The following ARSK variants were observed in gnomAD, a reference collection of about 807,000 sequenced individuals.
The protein encoded by ARSK is arylsulfatase family member K.
In ARSK, 37 loss-of-function variants were observed where a neutral mutation model predicts 53.2. The ratio of observed to expected loss-of-function variants is 0.70; its 90% CI spans 0.54 to 0.92. The LOEUF (loss-of-function observed/expected upper bound fraction) is 0.92. Among genes scored for constraint, ARSK ranks in the 40% least tolerant of loss-of-function variants. The pLI, the probability that ARSK is intolerant of heterozygous loss-of-function variation, is 0.00. For synonymous variants in ARSK, 208 were observed against 223.2 expected (o/e 0.93, Z 0.61); for missense variants, 613 against 643.0 (o/e 0.95, Z 0.51).
chr5:95,589,135 A>G (rs1205779256), intron 5 of ARSK, among the ~76,000 whole-genome samples: 1 of 152,164 alleles, frequency 6.6e-6, no homozygotes, highest in African/African-American at 2.4e-5. Flanking sequence ...GTCTTCCCCA[A>G]CCACTCTAAC....
At chr5:95,573,750 A>C (rs1266769137) in intron 3 of ARSK, among the ~76,000 whole-genome samples, 1 of 152,240 alleles carries the variant, frequency 6.6e-6, no homozygotes, top group Non-Finnish European at 1.5e-5. Context: ...GTATGTACAT[A>C]GTAAGTATAT....
At chr5:95,556,106 T>G (rs1034079221) in intron 1 of ARSK, 1 of 657,588 alleles carries the variant, frequency 1.5e-6, no homozygotes, top group Non-Finnish European at 2.7e-6. Flanking sequence ...TAATATTAGT[T>G]TATTATCACT....
Position 95,600,973 on chromosome 5 carries a change from A to G in ARSK, c.1223A>G (p.His408Arg), listed in dbSNP as rs1305782991. The G allele has an allele frequency of 6.2e-6, 10 of 1,614,036 alleles. No individual in the cohort carries two copies. Among genetic ancestry groups the G allele is most frequent in the Non-Finnish European group, 8.5e-6 (10 of 1,179,978 alleles). Residue 408 changes from histidine (H) to arginine (R), a missense_variant, in exon 7 of 8, where the codon CAT (histidine) becomes CGT (arginine). By Grantham distance (29) the His-to-Arg change is conservative. Coordinates refer to ENST00000380009, the MANE Select transcript of ARSK (RefSeq NM_198150.3). ...CCACCCTGGATTCTGAGTGAATTCC[A>G]TGGATGTAATGTGAATGCCTCCACC... ...LHPPWILSEF[H>R]GCNVNASTYM...
intron 5 of ARSK, among the ~76,000 whole-genome samples, chr5:95,589,270 G>A (rs1404021322): frequency 6.6e-6 from 1 of 152,286 alleles, no homozygotes; most frequent in East Asian, 1.9e-4. Context: ...TGAGGGCGGG[G>A]ACATTCTTTT....
intron 3 of ARSK, among the ~76,000 whole-genome samples, chr5:95,569,998 ACT>A (rs1277616618): frequency 6.6e-6 from 1 of 151,932 alleles, no homozygotes; most frequent in Non-Finnish European, 1.5e-5. Context: ...TCACTTCTCA[ACT>A]CTCTCCACCA....
intron 3 of ARSK, among the ~76,000 whole-genome samples, chr5:95,580,437 C>G (rs1749002696): frequency 6.6e-6 from 1 of 152,150 alleles, no homozygotes; most frequent in African/African-American, 2.4e-5. Context: ...GACCATCACT[C>G]TTGTAAGAAG....
At chr5:95,567,005 G>T (rs1364988258) in intron 2 of ARSK, among the ~76,000 whole-genome samples, 1 of 152,202 alleles carries the variant, frequency 6.6e-6, no homozygotes, top group Non-Finnish European at 1.5e-5. Flanking sequence ...TTTGTTAACT[G>T]TAAAGTAGAA....
At chr5:95,570,842 C>T (rs185378126) in intron 3 of ARSK, among the ~76,000 whole-genome samples, 12 of 150,862 alleles carry the variant, frequency 8.0e-5, no homozygotes, top group East Asian at 7.8e-4. Context: ...AGTGCAATAG[C>T]GTGATCTTGG....
chr5:95,570,133 TGACACA>T (rs750902805), intron 3 of ARSK, among the ~76,000 whole-genome samples: 19 of 152,330 alleles, frequency 1.2e-4, no homozygotes, highest in Middle Eastern at 6.8e-3. Context: ...TCTGATTACA[TGACACA>T]CTTGCTTAAA....
At chr5:95,574,895 G>A (rs1748899000) in intron 3 of ARSK, among the ~76,000 whole-genome samples, 1 of 151,882 alleles carries the variant, frequency 6.6e-6, no homozygotes, top group Non-Finnish European at 1.5e-5. Flanking sequence ...GCGTTTGTGG[G>A]GTATTACTCA....
chr5:95,558,962 G>A (rs538369842), intron 1 of ARSK, among the ~76,000 whole-genome samples: 15 of 152,216 alleles, frequency 9.9e-5, no homozygotes, highest in East Asian at 3.9e-4. Context: ...CCAACATGGC[G>A]AAACCCTGTC....
At chr5:95,576,859 T>A (rs59492293) in intron 3 of ARSK, among the ~76,000 whole-genome samples, 27,928 of 152,064 alleles carry the variant, frequency 0.18, 3,702 homozygotes, top group African/African-American at 0.37. Flanking sequence ...GCTGCATCTT[T>A]AAAACCTCCA....
In ARSK at chr5:95,555,636, C is replaced by G. The variant is rs1055542260; in HGVS notation, c.126+232C>G. On this transcript the variant is annotated intron_variant, in intron 1 of 7. Transcript: ENST00000380009. This position sits in a 1 kb window ranked among gnomAD's most constrained non-coding sequence, Gnocchi z 4.0. The stretch of plus-strand genomic sequence containing the variant: ...AAACACTGAAAACATCTTTGCAGAT[C>G]TTTTTTTTTTAATACTGACCTCGAT... Among the ~76,000 whole-genome samples the G allele has an allele frequency of 7.5e-6, 1 of 133,338 alleles. No individual in the cohort carries two copies. The highest frequency in any genetic ancestry group is 1.6e-5 in the Non-Finnish European group (1 of 62,232). 87.5% of individuals were successfully genotyped at this position (133,338 alleles called of 152,430 possible).
rs1377681767 is a variant in ARSK at position 95,555,374 on chromosome 5, C to T, written c.96C>T (p.Pro32=). ...AGAGGCGGAGAGCAGCCAAAGCGCC[C>T]AATGTGGTGCTGGTCGTGAGCGACT... The part of the protein sequence containing the change: ...GEQRRRAAKA[P]NVVLVVSDSF... Residue 32 remains proline, a synonymous_variant, in exon 1 of 8, where the codon CCC becomes CCT. Coordinates refer to ENST00000380009, the MANE Select transcript of ARSK (RefSeq NM_198150.3). The surrounding 1 kb of genome is among the most constrained non-coding windows in gnomAD (Gnocchi z 4.0). 3 of 1,610,168 alleles carry T rather than the reference C, an allele frequency of 1.9e-6. No homozygotes were observed. Among genetic ancestry groups the T allele is most frequent in the East Asian group, 4.5e-5 (2 of 44,746 alleles).
chr5:95,580,774 A>G, intron 3 of ARSK: 1 of 380,074 alleles, frequency 2.6e-6, no homozygotes, highest in Non-Finnish European at 4.5e-6. Flanking sequence ...TGAATACATT[A>G]AACAGTGCTA....
chr5:95,561,495 G>T (rs993506984), intron 1 of ARSK, among the ~76,000 whole-genome samples: 46 of 152,230 alleles, frequency 3.0e-4, no homozygotes, highest in African/African-American at 1.1e-3. Context: ...ATACATAATG[G>T]CCAAACAGTA....
At chr5:95,599,555 C>T (rs962678430) in intron 6 of ARSK, among the ~76,000 whole-genome samples, 18 of 152,188 alleles carry the variant, frequency 1.2e-4, no homozygotes, top group Admixed American at 8.5e-4. Flanking sequence ...CAAGGCTTCT[C>T]TCCCGGGCAC....
intron 2 of ARSK, 60 bp downstream of exon 2, chr5:95,566,187 G>GT (rs777448457): frequency 1.9e-4 from 296 of 1,567,380 alleles, no homozygotes; most frequent in Non-Finnish European, 2.5e-4. Flanking sequence ...TATATTCACA[G>GT]TTTAAAAGAT....
chr5:95,568,192 AT>A, intron 3 of ARSK, 143 bp downstream of exon 3: 5 of 881,716 alleles, frequency 5.7e-6, no homozygotes, highest in Non-Finnish European at 6.6e-6. Flanking sequence ...TTAGGCTGAA[AT>A]TTTAGCTTTC....
Sources: allele counts gnomAD v4.1 joint callset (sites outside exome capture counted in the v4.1 genomes callset), GRCh38; gene constraint gnomAD v4.1.1; non-coding constraint Gnocchi (gnomAD v3.1); transcripts MANE v1.5; gene names NCBI Gene and HGNC (gene_info 2026-07-23, HGNC 2026-07-21).